The following CYP4X1 variants were observed in gnomAD, a reference collection of about 807,000 sequenced individuals.
The protein encoded by CYP4X1 is cytochrome P450 family 4 subfamily X member 1.
Under a neutral mutation model 57.9 loss-of-function variants are expected in CYP4X1, and 44 were observed. The observed-to-expected ratio is 0.76, with a 90% CI of 0.60 to 0.98. CYP4X1 has a LOEUF of 0.98. Among genes scored for constraint, CYP4X1 ranks in the 50% least tolerant of loss-of-function variants. The pLI, the probability that CYP4X1 is intolerant of heterozygous loss-of-function variation, is 0.00. For missense variants in CYP4X1, 532 were observed against 623.9 expected (o/e 0.85, Z 1.57); for synonymous variants, 227 against 228.6 (o/e 0.99, Z 0.06).
Position 47,049,986 on chromosome 1 carries a change from C to T in CYP4X1, c.1356-14C>T. ...ATTTTTTCAAGTATCACTTTCTTTC[C>T]CTCTTGTCTTCAGGAACTGCATTGG... is the stretch of plus-strand genomic sequence containing the variant. On this transcript the variant is annotated splice_polypyrimidine_tract_variant and intron_variant, in intron 11 of 11. Transcript: ENST00000371901. 3.1e-6 allele frequency: 5 copies of T among 1,608,512 alleles called. No homozygotes were observed. The highest frequency in any genetic ancestry group is 1.7e-5 in the Admixed American group (1 of 59,006).
chr1:47,004,195 C>T, the CYP4X1 span, among the ~76,000 whole-genome samples: 1 of 151,956 alleles, frequency 6.6e-6, no homozygotes, highest in South Asian at 2.1e-4. Context: ...GGCTCTTGAG[C>T]CCCTGTGCTC....
chr1:47,028,605 A>G (rs1644094843), intron 1 of CYP4X1, among the ~76,000 whole-genome samples: 1 of 152,218 alleles, frequency 6.6e-6, no homozygotes, highest in East Asian at 1.9e-4. Flanking sequence ...AATTAAATAT[A>G]GTACAGTATT....
chr1:47,043,079 G>A (rs998282972), intron 8 of CYP4X1, among the ~76,000 whole-genome samples: 3 of 152,192 alleles, frequency 2.0e-5, no homozygotes, highest in South Asian at 4.1e-4. Flanking sequence ...CACCAACAGT[G>A]TAGAAGTGTT....
intron 6 of CYP4X1, among the ~76,000 whole-genome samples, 199 bp downstream of exon 6, chr1:47,036,370 T>TATATATA (rs1553152516): frequency 0.012 from 1,544 of 129,826 alleles, 46 homozygotes; most frequent in Admixed American, 0.035. Context: ...ATCAGAATTT[T>TATATATA]TATATATATA....
At chr1:47,014,737 G>T in the CYP4X1 span, among the ~76,000 whole-genome samples, 2 of 152,030 alleles carry the variant, frequency 1.3e-5, no homozygotes, top group East Asian at 1.9e-4. Flanking sequence ...TTCTCTGCTT[G>T]CCTCTTTTCC....
At chr1:47,040,728 A>G (rs572476259) in intron 8 of CYP4X1, among the ~76,000 whole-genome samples, 6 of 152,288 alleles carry the variant, frequency 3.9e-5, no homozygotes, top group Admixed American at 2.0e-4. Flanking sequence ...ATTTTGATAT[A>G]TGTATACACT....
chr1:47,022,796 GAAT>G (rs1049240643), upstream of CYP4X1, among the ~76,000 whole-genome samples: 9 of 152,048 alleles, frequency 5.9e-5, no homozygotes, highest in African/African-American at 2.2e-4. Flanking sequence ...CTAAATCAAT[GAAT>G]AAATGAATGA....
the CYP4X1 span, among the ~76,000 whole-genome samples, chr1:46,991,130 C>T: frequency 1.3e-5 from 2 of 152,102 alleles, no homozygotes; most frequent in East Asian, 1.9e-4. Context: ...AATGTTCCCC[C>T]TCTTGCTCCC....
At chr1:47,021,105 A>T (rs1160898361), upstream of CYP4X1, among the ~76,000 whole-genome samples, 1 of 143,784 alleles carries the variant, frequency 7.0e-6, no homozygotes, top group Non-Finnish European at 1.5e-5. Context: ...ACTGTAGCCA[A>T]GAAAATTCAA....
chr1:46,984,658 G>C, the CYP4X1 span, among the ~76,000 whole-genome samples: 1 of 152,136 alleles, frequency 6.6e-6, no homozygotes, highest in African/African-American at 2.4e-5. Flanking sequence ...TGTGCCTTGA[G>C]GAACAGTGCA....
intron 6 of CYP4X1, among the ~76,000 whole-genome samples, chr1:47,038,148 CAG>C (rs1160185318): frequency 1.3e-5 from 2 of 152,118 alleles, no homozygotes; most frequent in African/African-American, 2.4e-5. Flanking sequence ...GCAGAAAGTA[CAG>C]AGAGTTCTCA....
intron 6 of CYP4X1, among the ~76,000 whole-genome samples, chr1:47,038,153 A>G (rs1644205698): frequency 6.6e-6 from 1 of 152,192 alleles, no homozygotes; most frequent in Admixed American, 6.6e-5. Context: ...AAGTACAGAG[A>G]GTTCTCATAT....
chr1:47,055,196 G>T (rs1032514101), downstream of CYP4X1, among the ~76,000 whole-genome samples: 10 of 152,050 alleles, frequency 6.6e-5, no homozygotes, highest in Admixed American at 5.9e-4. Flanking sequence ...TTTGTCTTTG[G>T]TTCTGTTTAT....
At chr1:47,026,038 A>C (rs769619396) in intron 1 of CYP4X1, among the ~76,000 whole-genome samples, 3 of 152,202 alleles carry the variant, frequency 2.0e-5, no homozygotes, top group Non-Finnish European at 4.4e-5. Context: ...CTATATGTCT[A>C]TCCTAACTCA....
chr1:46,994,135 A>G, the CYP4X1 span, among the ~76,000 whole-genome samples: 1 of 152,200 alleles, frequency 6.6e-6, no homozygotes, highest in African/African-American at 2.4e-5. Flanking sequence ...ATCCAGTTTC[A>G]GCTTTCTACA....
upstream of CYP4X1, among the ~76,000 whole-genome samples, chr1:47,020,282 G>A (rs941508466): frequency 1.3e-5 from 2 of 152,194 alleles, no homozygotes; most frequent in African/African-American, 4.8e-5. Context: ...TAAGCCACAT[G>A]AAGGCAGGGC....
Position 47,050,439 on chromosome 1 carries a change from A to G in CYP4X1, c.*265A>G. The G allele has an allele frequency of 3.9e-6, 1 of 256,818 alleles. No individual in the cohort carries two copies. The highest frequency in any genetic ancestry group is 7.4e-6 in the Non-Finnish European group (1 of 135,158). 15.9% of individuals were successfully genotyped at this position (256,818 alleles called of 1,614,324 possible). On this transcript the variant is annotated 3_prime_UTR_variant, in exon 12 of 12. Coordinates refer to ENST00000371901, the MANE Select transcript of CYP4X1 (RefSeq NM_178033.2). The stretch of plus-strand genomic sequence containing the variant: ...TGTATACACCAATAGACTTTCATAT[A>G]TTTTCTGTTGTTTTTAAAATAGTTT...
At chr1:47,016,107 C>A in the CYP4X1 span, among the ~76,000 whole-genome samples, 1 of 151,720 alleles carries the variant, frequency 6.6e-6, no homozygotes, top group African/African-American at 2.4e-5. Context: ...AATTTCTCAC[C>A]CTGCTGTTTC....
At chr1:46,983,258 G>C in the CYP4X1 span, among the ~76,000 whole-genome samples, 1 of 152,180 alleles carries the variant, frequency 6.6e-6, no homozygotes, top group Non-Finnish European at 1.5e-5. Flanking sequence ...TAGAGCCGGT[G>C]CCTATGGAAG....
Sources: allele counts gnomAD v4.1 joint callset (sites outside exome capture counted in the v4.1 genomes callset), GRCh38; gene constraint gnomAD v4.1.1; transcripts MANE v1.5; gene names NCBI Gene and HGNC (gene_info 2026-07-23, HGNC 2026-07-21).